The following MACROD2 variants were observed in gnomAD, a reference collection of about 807,000 sequenced individuals.
MACROD2 encodes ADP-ribose glycohydrolase MACROD2.
MACROD2 carries 36 observed loss-of-function variants against 70.4 expected under a neutral mutation model. The observed-to-expected ratio is 0.51, with a 90% CI of 0.39 to 0.68. The LOEUF (loss-of-function observed/expected upper bound fraction) is 0.68, where lower values mean the gene tolerates loss of function less well. Among genes scored for constraint, MACROD2 ranks in the 30% least tolerant of loss-of-function variants. The probability of loss-of-function intolerance (pLI) is 0.00; values close to 1 mark genes in which losing one functional copy is unlikely to be tolerated. For missense variants in MACROD2, 496 were observed against 538.4 expected, an observed-to-expected ratio of 0.92 and a Z score of 0.78; for synonymous variants, 172 against 178.8, an observed-to-expected ratio of 0.96 and a Z score of 0.30.
intron 5 of MACROD2, among the ~76,000 whole-genome samples, chr20:15,150,379 C>G (rs959462413): frequency 6.6e-6 from 1 of 151,956 alleles, no homozygotes; most frequent in African/African-American, 2.4e-5. Context: ...AGGTTGGGCA[C>G]CACAGGGTGG....
At chr20:15,598,573 A>T (rs1007206976) in intron 8 of MACROD2, among the ~76,000 whole-genome samples, 1 of 152,198 alleles carries the variant, frequency 6.6e-6, no homozygotes, top group Middle Eastern at 3.2e-3. Context: ...AGATCCCAGG[A>T]TTCTAAAGAC....
intron 6 of MACROD2, among the ~76,000 whole-genome samples, chr20:15,287,232 A>G (rs370390735): frequency 3.9e-5 from 6 of 152,232 alleles, no homozygotes; most frequent in African/African-American, 1.2e-4. Flanking sequence ...TGGCAGCAAG[A>G]AAGAGAGCTA....
intron 8 of MACROD2, among the ~76,000 whole-genome samples, chr20:15,812,905 G>A (rs1394589269): frequency 6.6e-6 from 1 of 152,144 alleles, no homozygotes; most frequent in Non-Finnish European, 1.5e-5. Flanking sequence ...TTATGACAGA[G>A]AAATGTGAAT....
At chr20:14,954,722 G>T (rs13036569) in intron 5 of MACROD2, among the ~76,000 whole-genome samples, 6 of 111,250 alleles carry the variant, frequency 5.4e-5, no homozygotes, top group African/African-American at 2.2e-4. Flanking sequence ...ATATATAAAT[G>T]TATAAATATA....
intron 5 of MACROD2, among the ~76,000 whole-genome samples, chr20:14,963,231 G>A (rs1000873952): frequency 1.3e-5 from 2 of 152,082 alleles, no homozygotes; most frequent in African/African-American, 4.8e-5. Context: ...TTAAATTTGA[G>A]GGTGGGTGTC....
chr20:14,649,116 C>A lies in MACROD2; in HGVS notation c.302-35727C>A, dbSNP rs115560676. Among the ~76,000 whole-genome samples the A allele has an allele frequency of 6.2e-3, 948 of 152,236 alleles. 10 individuals are homozygous for A. Among genetic ancestry groups the A allele is most frequent in the African/African-American group, 0.022 (909 of 41,538 alleles). On this transcript the variant is annotated intron_variant, in intron 4 of 17. Coordinates refer to ENST00000684519, the MANE Select transcript of MACROD2 (RefSeq NM_001351661.2). The stretch of plus-strand genomic sequence containing the variant: ...TCCTCCATACTTAGGGCTTCTACCC[C>A]CCTGCCCAGTTTTGTTAAAGAAATT...
intron 8 of MACROD2, among the ~76,000 whole-genome samples, chr20:15,714,822 TGATATA>T (rs766368451): frequency 1.3e-5 from 2 of 152,190 alleles, no homozygotes; most frequent in Non-Finnish European, 2.9e-5. Context: ...TATATAAACA[TGATATA>T]GATATATGTG....
chr20:15,239,352 A>C lies in MACROD2; in HGVS notation c.540+9291A>C, dbSNP rs909017046. On this transcript the variant is annotated intron_variant, in intron 6 of 17. Transcript: ENST00000684519. ...AAGCTTTCTTGACTTGTTTATGTAC[A>C]ATTCAATGGAGTTGCAAAGAGGATT... Among the ~76,000 whole-genome samples the C allele has an allele frequency of 2.6e-5, 4 of 152,128 alleles. No homozygotes were observed. In the South Asian group the frequency reaches 8.3e-4, roughly 32 times the overall value.
intron 5 of MACROD2, among the ~76,000 whole-genome samples, chr20:15,152,296 G>T (rs115459321): frequency 0.023 from 3,548 of 151,738 alleles, 168 homozygotes; most frequent in African/African-American, 0.082. Context: ...GGAGAAGGAG[G>T]AATGGAAGGT....
chr20:15,399,787 T>C (rs968438286), intron 6 of MACROD2, among the ~76,000 whole-genome samples: 1 of 152,232 alleles, frequency 6.6e-6, no homozygotes, highest in African/African-American at 2.4e-5. Context: ...GGATATTTAA[T>C]GACCATCTCA....
intron 5 of MACROD2, among the ~76,000 whole-genome samples, chr20:14,983,527 T>A (rs961727401): frequency 7.9e-5 from 12 of 151,410 alleles, no homozygotes; most frequent in African/African-American, 2.9e-4. Flanking sequence ...TCCTATGCTG[T>A]TCTCGTGATA....
At chr20:15,965,611 ATAAC>A (rs558502094) in intron 12 of MACROD2, among the ~76,000 whole-genome samples, 1 of 152,210 alleles carries the variant, frequency 6.6e-6, no homozygotes, top group Non-Finnish European at 1.5e-5. Flanking sequence ...TTTTTAATAA[ATAAC>A]TAAATCTAAA....
chr20:15,991,451 A>G (rs1327841185), intron 15 of MACROD2, among the ~76,000 whole-genome samples: 5 of 152,240 alleles, frequency 3.3e-5, no homozygotes, highest in Non-Finnish European at 7.3e-5. Context: ...AGCTTGCACT[A>G]GCAGTGTTGC....
At chr20:15,306,249 T>C (rs1318930795) in intron 6 of MACROD2, among the ~76,000 whole-genome samples, 1 of 152,220 alleles carries the variant, frequency 6.6e-6, no homozygotes, top group Non-Finnish European at 1.5e-5. Flanking sequence ...AATTATTCTG[T>C]ATTCTGAATT....
intron 3 of MACROD2, among the ~76,000 whole-genome samples, chr20:14,377,394 A>T (rs1001996076): frequency 6.6e-6 from 1 of 152,240 alleles, no homozygotes; most frequent in Non-Finnish European, 1.5e-5. Flanking sequence ...TTGAATACTT[A>T]GAGTGACAAT....
intron 5 of MACROD2, among the ~76,000 whole-genome samples, chr20:14,704,547 C>T (rs1462034293): frequency 6.6e-6 from 1 of 152,150 alleles, no homozygotes; most frequent in Admixed American, 6.5e-5. Flanking sequence ...ATTCTTGTCT[C>T]AAGATCTTCT....
chr20:14,518,757 G>T (rs1053950440), intron 4 of MACROD2, among the ~76,000 whole-genome samples: 2 of 152,136 alleles, frequency 1.3e-5, no homozygotes, highest in Non-Finnish European at 2.9e-5. Context: ...GAAACATTCA[G>T]CAAGGGAGAT....
chr20:15,641,519 CT>C (rs2049460235), intron 8 of MACROD2, among the ~76,000 whole-genome samples: 2 of 152,140 alleles, frequency 1.3e-5, no homozygotes, highest in African/African-American at 4.8e-5. Flanking sequence ...GAGAGACAAG[CT>C]TTTTTGCTCT....
intron 2 of MACROD2, among the ~76,000 whole-genome samples, chr20:14,012,322 T>C (rs2052922462): frequency 6.6e-6 from 1 of 152,264 alleles, no homozygotes; most frequent in Non-Finnish European, 1.5e-5. Context: ...TGTCATATAA[T>C]GACTTTGCTT....
Sources: gnomAD v4.1 joint callset for allele counts (sites outside exome capture counted in the v4.1 genomes callset) on GRCh38, gnomAD v4.1.1 for gene constraint, MANE v1.5 for transcripts, NCBI Gene and HGNC (gene_info 2026-07-23, HGNC 2026-07-21) for gene names.